DNAH7: variants seen among roughly 807,000 people sequenced by gnomAD.
The protein encoded by DNAH7 is dynein axonemal heavy chain 7, also known as axonemal beta dynein heavy chain 7.
In DNAH7, 397 loss-of-function variants were observed where a neutral mutation model predicts 444.6. That is an observed-to-expected ratio of 0.89 (90% CI 0.82 to 0.97). The LOEUF (loss-of-function observed/expected upper bound fraction) is 0.97. DNAH7 is among the 50% of genes least tolerant of loss of function. DNAH7 has a pLI of 0.00. For missense variants in DNAH7, 4,902 were observed against 4,800.8 expected (o/e 1.02, Z -0.62); for synonymous variants, 1,636 against 1,624.4 (o/e 1.01, Z -0.17).
chr2:195,740,585 ATGTGTGTGTGTGTGTGTGTG>A (rs71015727), intron 64 of DNAH7, among the ~76,000 whole-genome samples, 161 bp downstream of exon 64: 14 of 132,422 alleles, frequency 1.1e-4, no homozygotes, highest in South Asian at 2.5e-4. Flanking sequence ...TTGACTGTAT[ATGTGTGTGTGTGTGTGTGTG>A]TGTGTGTGTG....
chr2:195,965,703 T>C (rs1423210812), intron 17 of DNAH7, among the ~76,000 whole-genome samples: 5 of 152,152 alleles, frequency 3.3e-5, no homozygotes, highest in African/African-American at 1.2e-4. Context: ...GTACTTTGTG[T>C]GTATCTAGGA....
At position 196,027,079 on chromosome 2, in the gene DNAH7, A is replaced by C. The variant is rs1695735267; in HGVS notation, c.487-139T>G. 3 of 609,984 alleles carry C rather than the reference A, an allele frequency of 4.9e-6. No individual in the cohort carries two copies. The South Asian group carries it at 7.5e-5, about 15-fold the overall frequency. 37.8% of individuals were successfully genotyped at this position (609,984 alleles called of 1,614,324 possible). ...TAAAAAAGTATTTGGTACAATTCAC[A>C]TAGGTATTATTTGAGATCTCCTAAA... On this transcript the variant is annotated intron_variant, in intron 6 of 64. Transcript: ENST00000312428.
At chr2:195,786,275 T>C (rs779241830) in intron 58 of DNAH7, among the ~76,000 whole-genome samples, 2 of 152,246 alleles carry the variant, frequency 1.3e-5, no homozygotes, top group Non-Finnish European at 1.5e-5. Flanking sequence ...GATTTAGTTA[T>C]AGATTTCAAA....
chr2:195,849,726 A>G (rs116457655), intron 46 of DNAH7, among the ~76,000 whole-genome samples: 105 of 152,156 alleles, frequency 6.9e-4, no homozygotes, highest in African/African-American at 2.4e-3. Context: ...TCAGCCTCCA[A>G]GCAGGACTGG....
At position 195,799,381 on chromosome 2, in the gene DNAH7, T is replaced by C. The variant is rs780396067; in HGVS notation, c.10268A>G (p.Asp3423Gly). 1.9e-6 allele frequency: 3 copies of C among 1,612,724 alleles called. No individual in the cohort carries two copies. The Admixed American group carries it at 5.0e-5, about 27-fold the overall frequency. Residue 3423 changes from aspartate to glycine, a missense_variant, in exon 55 of 65, where the codon GAC becomes GGC. Physicochemically the swap from Asp to Gly is moderately conservative, Grantham distance 94. Coordinates refer to ENST00000312428, the MANE Select transcript of DNAH7 (RefSeq NM_018897.3). ...PPFDLAKAFG[D>G]SNCCAPLIFV... The stretch of plus-strand genomic sequence containing the variant: ...AATCAGTGGTGCACAGCAGTTACTG[T>C]CTCCAAATGCCTTGGCTAAATCAAA...
At chr2:195,980,540 C>A (rs1692505047) in intron 15 of DNAH7, among the ~76,000 whole-genome samples, 1 of 152,128 alleles carries the variant, frequency 6.6e-6, no homozygotes, top group African/African-American at 2.4e-5. Context: ...CAAAACTAGA[C>A]AAAGATGCAT....
At chr2:195,907,811 T>G (rs913361019) in intron 25 of DNAH7, among the ~76,000 whole-genome samples, 14 of 152,058 alleles carry the variant, frequency 9.2e-5, no homozygotes, top group Non-Finnish European at 1.0e-4. Context: ...CGAACCACAC[T>G]GGATTGTACA....
At chr2:195,891,623 T>C (rs1702014912) in intron 31 of DNAH7, 32 bp downstream of exon 31, 2 of 1,508,726 alleles carry the variant, frequency 1.3e-6, no homozygotes, top group Non-Finnish European at 1.8e-6. Context: ...CTTAACCTTT[T>C]AAGATATGCA....
chr2:195,932,697 T>C (rs1003160588), intron 21 of DNAH7, among the ~76,000 whole-genome samples: 2 of 152,176 alleles, frequency 1.3e-5, no homozygotes, highest in Admixed American at 1.3e-4. Flanking sequence ...TTGTCGTTGG[T>C]TCTGTTTATA....
chr2:195,774,489 T>C (rs1694979617), intron 60 of DNAH7, among the ~76,000 whole-genome samples: 1 of 152,250 alleles, frequency 6.6e-6, no homozygotes, highest in South Asian at 2.1e-4. Context: ...TCCTTCTAAT[T>C]TTTAGCTTTT....
At chr2:195,842,412 G>A (rs1308718091) in intron 47 of DNAH7, among the ~76,000 whole-genome samples, 1 of 152,084 alleles carries the variant, frequency 6.6e-6, no homozygotes, top group Non-Finnish European at 1.5e-5. Context: ...CTCTGTGAGT[G>A]CTCAATATTA....
In DNAH7 at chr2:195,895,216, A is replaced by C; in HGVS notation, c.4656T>G (p.Thr1552=). ...ATTTTACCCCAGGAAACAAATCCGA[A>C]GTAATTCCCTGATGATAGATGATTT... ...SHDLPLFEGI[T]SDLFPGVKLP... is the part of the protein sequence containing the mutation. The change falls in exon 30 of 65, where the codon ACT becomes ACG. Residue 1552 remains threonine (T), a synonymous_variant. Transcript: ENST00000312428. 6.2e-7 allele frequency: 1 copy of C among 1,603,408 alleles called. No homozygotes were observed. The highest frequency in any genetic ancestry group is 8.5e-7 in the Non-Finnish European group (1 of 1,171,860).
intron 5 of DNAH7, among the ~76,000 whole-genome samples, chr2:196,036,254 G>A (rs996049031): frequency 2.2e-4 from 34 of 152,036 alleles, no homozygotes; most frequent in Middle Eastern, 3.4e-3. Flanking sequence ...GGCTGGTCTC[G>A]AACTCCTGAC....
chr2:195,775,844 A>G lies in DNAH7; in HGVS notation c.11202+2T>C, dbSNP rs1461582323. 3 of 1,613,656 alleles carry G rather than the reference A, an allele frequency of 1.9e-6. No homozygotes were observed. The highest frequency in any genetic ancestry group is 2.5e-6 in the Non-Finnish European group (3 of 1,179,842). On this transcript the variant is annotated splice_donor_variant, in intron 60 of 64. Transcript: ENST00000312428. LOFTEE classifies it high-confidence loss of function. Reference sequence around the variant, plus strand: ...AATCCAGGTCCTATACAGATCACACACCTGTGTAAGAAGAATGTTATCAAA... The same window carrying G: ...AATCCAGGTCCTATACAGATCACACGCCTGTGTAAGAAGAATGTTATCAAA...
At position 195,876,560 on chromosome 2, in the gene DNAH7, G is replaced by A; in HGVS notation, c.6101C>T (p.Pro2034Leu). ...DKRRKGVFGP[P>L]LGKRMVVFVD... ...AGTCATTACCATTCTCTTGCCCAAA[G>A]GAGGACCAAAAACTCCCTTTCTTCT... The change falls in exon 37 of 65, where the codon CCT (proline) becomes CTT (leucine). Residue 2034 changes from proline (P) to leucine (L), a missense_variant. Coordinates refer to ENST00000312428, the MANE Select transcript of DNAH7 (RefSeq NM_018897.3). 4.3e-6 allele frequency: 7 copies of A among 1,613,812 alleles called. No homozygotes were observed. Among genetic ancestry groups the A allele is most frequent in the Non-Finnish European group, 5.1e-6 (6 of 1,179,830 alleles).
At chr2:195,763,712 T>A (rs1694447931) in intron 61 of DNAH7, among the ~76,000 whole-genome samples, 1 of 151,848 alleles carries the variant, frequency 6.6e-6, no homozygotes, top group African/African-American at 2.4e-5. Context: ...CAATATCAAG[T>A]AATAAGATCA....
At chr2:195,945,667 A>C (rs1198420532) in intron 19 of DNAH7, among the ~76,000 whole-genome samples, 2 of 152,152 alleles carry the variant, frequency 1.3e-5, no homozygotes, top group African/African-American at 4.8e-5. Context: ...GCCAAATTAC[A>C]TTTACTACAG....
At chr2:195,763,225 T>G (rs1574393523) in intron 61 of DNAH7, among the ~76,000 whole-genome samples, 1 of 152,136 alleles carries the variant, frequency 6.6e-6, no homozygotes. Context: ...GTAAGGTGGA[T>G]GTTTATAGTT....
intron 5 of DNAH7, among the ~76,000 whole-genome samples, chr2:196,036,957 A>C (rs924059292): frequency 1.5e-4 from 23 of 150,386 alleles, no homozygotes; most frequent in African/African-American, 5.6e-4. Context: ...GCACCCACAC[A>C]CCCCTCCTGG....
Sources: allele counts gnomAD v4.1 joint callset (sites outside exome capture counted in the v4.1 genomes callset), GRCh38; gene constraint gnomAD v4.1.1; transcripts MANE v1.5; gene names NCBI Gene and HGNC (gene_info 2026-07-23, HGNC 2026-07-21).